The following ARHGEF3 variants were observed in gnomAD, a reference collection of about 807,000 sequenced individuals.
The protein encoded by ARHGEF3 is 59.8 kDA protein.
In ARHGEF3, 28 loss-of-function variants were observed where a neutral mutation model predicts 63.2. The ratio of observed to expected loss-of-function variants is 0.44; its 90% confidence interval spans 0.33 to 0.61. ARHGEF3 has a LOEUF of 0.61. ARHGEF3 is among the 20% of genes least tolerant of loss of function. The pLI, the probability that ARHGEF3 is intolerant of heterozygous loss-of-function variation, is 0.03. For missense variants in ARHGEF3, 533 were observed against 659.3 expected (o/e 0.81, Z 2.10); for synonymous variants, 266 against 254.2 (o/e 1.05, Z -0.44).
intron 1 of ARHGEF3, among the ~76,000 whole-genome samples, chr3:56,796,756 T>C (rs1320311583): frequency 1.3e-5 from 2 of 152,208 alleles, no homozygotes; most frequent in Admixed American, 6.5e-5. Context: ...CAGGGTCAAC[T>C]GGGATTTTAG....
intron 2 of ARHGEF3, among the ~76,000 whole-genome samples, chr3:57,025,528 A>G (rs1359663527): frequency 2.6e-5 from 4 of 152,208 alleles, no homozygotes; most frequent in Non-Finnish European, 4.4e-5. Flanking sequence ...GAAGTTGGCC[A>G]TGGTGGGAGT....
At chr3:56,731,700 A>AC (rs2033172952) in intron 9 of ARHGEF3, 1 of 156,518 alleles carries the variant, frequency 6.4e-6, no homozygotes, top group Non-Finnish European at 1.4e-5. Flanking sequence ...TGCTTGTTTC[A>AC]CCGAGTATCA....
chr3:56,807,880 T>C (rs2037919105), intron 4 of ARHGEF3, among the ~76,000 whole-genome samples: 2 of 152,176 alleles, frequency 1.3e-5, no homozygotes, highest in Admixed American at 6.5e-5. Flanking sequence ...TCCCAGCACT[T>C]TGGGAGGCCA....
At chr3:57,007,154 A>G in intron 2 of ARHGEF3, 2 of 1,244,150 alleles carry the variant, frequency 1.6e-6, no homozygotes, top group Non-Finnish European at 1.0e-6. Context: ...TCATCCATAA[A>G]GAATTAATAA....
At chr3:57,014,900 T>G (rs1380587577) in intron 2 of ARHGEF3, among the ~76,000 whole-genome samples, 3 of 152,162 alleles carry the variant, frequency 2.0e-5, no homozygotes, top group African/African-American at 7.2e-5. Flanking sequence ...TTAGCCAGGA[T>G]GGTCTCGATC....
intron 1 of ARHGEF3, among the ~76,000 whole-genome samples, chr3:57,038,648 T>C (rs373423094): frequency 6.6e-6 from 1 of 152,202 alleles, no homozygotes; most frequent in African/African-American, 2.4e-5. Flanking sequence ...TCTTGCTATG[T>C]TGCCCAGGCT....
chr3:56,979,257 G>T (rs1025717112), intron 2 of ARHGEF3, among the ~76,000 whole-genome samples: 4 of 152,210 alleles, frequency 2.6e-5, no homozygotes, highest in African/African-American at 9.7e-5. Context: ...TCTGGATTTG[G>T]CACCTTTAAT....
At chr3:57,067,458 A>AATAATG (rs1705611483) in intron 1 of ARHGEF3, among the ~76,000 whole-genome samples, 1 of 104,210 alleles carries the variant, frequency 9.6e-6, no homozygotes, top group African/African-American at 3.2e-5. Context: ...GTCTCAAAAT[A>AATAATG]ATAATAATAA....
intron 4 of ARHGEF3, among the ~76,000 whole-genome samples, chr3:56,854,747 G>T (rs974252252): frequency 6.9e-6 from 1 of 144,478 alleles, no homozygotes; most frequent in Non-Finnish European, 1.5e-5. Flanking sequence ...GGTACTATTT[G>T]GGGGGATGCA....
At chr3:56,907,771 A>C (rs745361477) in intron 3 of ARHGEF3, among the ~76,000 whole-genome samples, 1 of 152,216 alleles carries the variant, frequency 6.6e-6, no homozygotes, top group African/African-American at 2.4e-5. Flanking sequence ...CAGGAACAGA[A>C]AACCAAATAC....
chr3:56,879,767 C>T (rs1205879481), intron 4 of ARHGEF3, among the ~76,000 whole-genome samples: 1 of 152,050 alleles, frequency 6.6e-6, no homozygotes, highest in Non-Finnish European at 1.5e-5. Flanking sequence ...CATTTAAATG[C>T]ACAAAGATAA....
intron 1 of ARHGEF3, among the ~76,000 whole-genome samples, chr3:56,790,193 C>T (rs1475653391): frequency 1.3e-5 from 2 of 152,170 alleles, no homozygotes; most frequent in East Asian, 1.9e-4. Flanking sequence ...TCCTGTTCCT[C>T]GATGTTGGTG....
chr3:57,018,266 A>C (rs1184965764), intron 2 of ARHGEF3, among the ~76,000 whole-genome samples: 2 of 134,262 alleles, frequency 1.5e-5, no homozygotes, highest in Non-Finnish European at 3.2e-5. Context: ...GTGACAGAGC[A>C]AGGCTCTGTC....
At chr3:56,858,747 T>C (rs2039968630) in intron 4 of ARHGEF3, among the ~76,000 whole-genome samples, 1 of 152,196 alleles carries the variant, frequency 6.6e-6, no homozygotes, top group South Asian at 2.1e-4. Flanking sequence ...AAACCTTGAA[T>C]GTTTCAGTAG....
intron 1 of ARHGEF3, chr3:57,073,667 G>A (rs202121950): frequency 8.8e-6 from 14 of 1,591,772 alleles, no homozygotes; most frequent in African/African-American, 1.3e-5. Flanking sequence ...CTCCTTTTCT[G>A]GAGAATTCTG....
At chr3:56,876,760 G>T (rs2040597580) in intron 4 of ARHGEF3, among the ~76,000 whole-genome samples, 1 of 152,040 alleles carries the variant, frequency 6.6e-6, no homozygotes, top group East Asian at 1.9e-4. Context: ...GCTCCCATGG[G>T]AAAGCCCCAC....
chr3:56,934,873 C>T (rs545445065), intron 3 of ARHGEF3, among the ~76,000 whole-genome samples: 1 of 152,358 alleles, frequency 6.6e-6, no homozygotes, highest in African/African-American at 2.4e-5. Context: ...GGACTGGCAG[C>T]CAGCTCCACC....
intron 1 of ARHGEF3, among the ~76,000 whole-genome samples, chr3:57,056,848 T>C (rs1162830670): frequency 6.6e-6 from 1 of 151,902 alleles, no homozygotes; most frequent in Non-Finnish European, 1.5e-5. Flanking sequence ...AGTCAACTGG[T>C]CCACCCTGAA....
chr3:56,880,694 T>G (rs771843759), intron 4 of ARHGEF3, among the ~76,000 whole-genome samples: 11 of 152,182 alleles, frequency 7.2e-5, no homozygotes, highest in Non-Finnish European at 1.0e-4. Flanking sequence ...GTCTTTAAAT[T>G]CTGAAAATCT....
Sources: gnomAD v4.1 joint callset for allele counts (sites outside exome capture counted in the v4.1 genomes callset) on GRCh38, gnomAD v4.1.1 for gene constraint, MANE v1.5 for transcripts, NCBI Gene and HGNC (gene_info 2026-07-23, HGNC 2026-07-21) for gene names.